PRKCZ: variants seen among roughly 807,000 people sequenced by gnomAD.
PRKCZ encodes protein kinase C zeta type.
Under a neutral mutation model 79.5 loss-of-function variants are expected in PRKCZ, and 33 were observed. The observed-to-expected ratio is 0.41, with a 90% CI of 0.31 to 0.55. PRKCZ has a LOEUF of 0.55. Ranked by LOEUF, PRKCZ falls within the 20% of genes least tolerant of loss-of-function variation. PRKCZ has a pLI of 0.19. For synonymous variants in PRKCZ, 342 were observed against 320.9 expected (o/e 1.07, Z -0.70); for missense variants, 578 against 813.5 (o/e 0.71, Z 3.52).
rs1330728603 is a variant in PRKCZ, at chr1:2,177,374, C to A, written c.1575+2061C>A. Reference sequence around the variant, plus strand: ...CCCCCGTGCCTTTCCCACCCTCTCTCTTCCAAGCCCACCACCGTATGGGGC... The same window carrying A: ...CCCCCGTGCCTTTCCCACCCTCTCTATTCCAAGCCCACCACCGTATGGGGC... On this transcript the variant is annotated intron_variant, in intron 16 of 17. Coordinates refer to ENST00000378567, the MANE Select transcript of PRKCZ (RefSeq NM_002744.6). The surrounding 1 kb of genome is among the most constrained non-coding windows in gnomAD (Gnocchi z 6.4). Among the ~76,000 whole-genome samples the A allele has an allele frequency of 2.8e-4, 42 of 152,306 alleles. No homozygotes were observed. The highest frequency in any genetic ancestry group is 4.1e-4 in the South Asian group (2 of 4,826).
intron 16 of PRKCZ, among the ~76,000 whole-genome samples, chr1:2,180,461 C>T (rs1167078529): frequency 3.9e-5 from 6 of 151,994 alleles, no homozygotes; most frequent in East Asian, 3.9e-4. Flanking sequence ...CTCAGATGCA[C>T]GGACACCCAG....
At chr1:2,160,702 AG>A (rs1038671651) in intron 10 of PRKCZ, among the ~76,000 whole-genome samples, 3 of 151,070 alleles carry the variant, frequency 2.0e-5, no homozygotes, top group African/African-American at 7.3e-5. Flanking sequence ...GGGAAGCCTT[AG>A]GGGGTGGGGA....
At chr1:2,116,058 G>A (rs562144760) in intron 4 of PRKCZ, 2 of 152,120 alleles carry the variant, frequency 1.3e-5, no homozygotes, top group South Asian at 2.1e-4. Context: ...GAGCTGTCCC[G>A]GCTCCCGGCT....
chr1:2,081,805 A>G (rs912163126), intron 4 of PRKCZ, among the ~76,000 whole-genome samples: 3 of 112,558 alleles, frequency 2.7e-5, no homozygotes, highest in African/African-American at 1.0e-4. Context: ...CACGCCCCCC[A>G]CACCCCACCA....
intron 4 of PRKCZ, among the ~76,000 whole-genome samples, chr1:2,131,745 G>A (rs1230249580): frequency 2.6e-5 from 4 of 152,158 alleles, no homozygotes; most frequent in Non-Finnish European, 4.4e-5. Context: ...TTACTGCTGC[G>A]GCCTGAAATT....
intron 4 of PRKCZ, among the ~76,000 whole-genome samples, chr1:2,081,485 C>G (rs539781664): frequency 1.3e-5 from 2 of 152,156 alleles, no homozygotes; most frequent in Non-Finnish European, 2.9e-5. Flanking sequence ...CCAGAAGGGG[C>G]CTGTGTGGCC....
At chr1:2,148,430 T>C (rs930804599) in intron 7 of PRKCZ, among the ~76,000 whole-genome samples, 1 of 152,206 alleles carries the variant, frequency 6.6e-6, no homozygotes, top group Admixed American at 6.5e-5. Flanking sequence ...AACCTCTCCA[T>C]CTATCCATCC....
At chr1:2,112,368 G>A (rs989316942) in intron 4 of PRKCZ, among the ~76,000 whole-genome samples, 11 of 152,170 alleles carry the variant, frequency 7.2e-5, no homozygotes, top group Non-Finnish European at 1.6e-4. Flanking sequence ...GGCGGCCCGC[G>A]AACCTCTGAC....
chr1:2,126,062 G>T (rs1463591777), intron 4 of PRKCZ, among the ~76,000 whole-genome samples: 2 of 151,938 alleles, frequency 1.3e-5, no homozygotes, highest in Non-Finnish European at 2.9e-5. Context: ...CTGCCCTGGG[G>T]CAGCGTCACC....
chr1:2,050,989 C>A, intron 1 of PRKCZ: 1 of 332,924 alleles, frequency 3.0e-6, no homozygotes, highest in Non-Finnish European at 5.4e-6. Context: ...GAAAGTTGGG[C>A]GGGGACGTTC....
chr1:2,175,140 C>T, intron 15 of PRKCZ, 84 bp from the exon 16 acceptor site: 1 of 1,190,560 alleles, frequency 8.4e-7, no homozygotes, highest in Non-Finnish European at 1.2e-6. Flanking sequence ...GGCTTGTCAG[C>T]ACTGGGAGTG....
At chr1:2,100,836 A>G (rs555991040) in intron 4 of PRKCZ, among the ~76,000 whole-genome samples, 2 of 152,136 alleles carry the variant, frequency 1.3e-5, no homozygotes, top group South Asian at 4.2e-4. Context: ...GAGATGAAAG[A>G]TGACATTTTA....
At position 2,056,643 on chromosome 1, in the gene PRKCZ, T is replaced by A; in HGVS notation, c.283+70T>A. 3 of 1,383,416 alleles carry A rather than the reference T, an allele frequency of 2.2e-6. No individual in the cohort carries two copies. The East Asian group carries it at 7.4e-5, about 34-fold the overall frequency. The allele number at this position is 1,383,416 out of a possible 1,614,324, so 85.7% of individuals were successfully genotyped here. On this transcript the variant is annotated intron_variant, in intron 3 of 17. Coordinates refer to ENST00000378567, the MANE Select transcript of PRKCZ (RefSeq NM_002744.6). ...TGGCTGTGGGTGTCTGCCGACTAGCTGGGGGATTTAAAATGGTTTAAAATC... is the reference window on the plus strand; with the variant it reads ...TGGCTGTGGGTGTCTGCCGACTAGCAGGGGGATTTAAAATGGTTTAAAATC...
At chr1:2,146,001 C>T (rs1236715999) in intron 6 of PRKCZ, 26 bp from the exon 7 acceptor site, 3 of 1,582,564 alleles carry the variant, frequency 1.9e-6, no homozygotes, top group Non-Finnish European at 2.6e-6. Flanking sequence ...CTTGGTCATG[C>T]TGCCATCTCT....
At chr1:2,156,518 C>A in intron 10 of PRKCZ, 1 of 184,990 alleles carries the variant, frequency 5.4e-6, no homozygotes. Context: ...ATTTTGGGGG[C>A]CAGTTGACTT....
At chr1:2,050,800 G>T in intron 1 of PRKCZ, 99 bp downstream of exon 1, 1 of 811,288 alleles carries the variant, frequency 1.2e-6, no homozygotes, top group Non-Finnish European at 1.6e-6. Flanking sequence ...AGAGGGAAGG[G>T]GCGGCGAGGT....
At chr1:2,141,345 C>CTTTTTTT (rs144339432) in intron 5 of PRKCZ, 1 of 123,568 alleles carries the variant, frequency 8.1e-6, no homozygotes, top group Non-Finnish European at 1.7e-5. Context: ...TTTTCTTTTT[C>CTTTTTTT]TTTTTTTTTT....
At chr1:2,057,468 G>A (rs556687255) in intron 3 of PRKCZ, among the ~76,000 whole-genome samples, 1 of 152,316 alleles carries the variant, frequency 6.6e-6, no homozygotes, top group East Asian at 1.9e-4. Context: ...ACCAAAGCTC[G>A]AAACCACCCA....
intron 4 of PRKCZ, chr1:2,074,002 G>C: frequency 7.0e-7 from 1 of 1,420,700 alleles, no homozygotes; most frequent in Non-Finnish European, 9.2e-7. Context: ...CAGGCCCTGT[G>C]CGTGCGGAGG....
Sources: allele counts gnomAD v4.1 joint callset (sites outside exome capture counted in the v4.1 genomes callset), GRCh38; gene constraint gnomAD v4.1.1; non-coding constraint Gnocchi (gnomAD v3.1); transcripts MANE v1.5; gene names NCBI Gene and HGNC (gene_info 2026-07-23, HGNC 2026-07-21).